ATIC: variants seen among roughly 807,000 people sequenced by gnomAD.
ATIC encodes the protein bifunctional purine biosynthesis protein ATIC.
In ATIC, 64 loss-of-function variants were observed where a neutral mutation model predicts 72.5. The observed-to-expected ratio is 0.88, with a 90% CI of 0.72 to 1.09. ATIC has a LOEUF of 1.09. ATIC is among the 50% of genes least tolerant of loss of function. The probability of loss-of-function intolerance (pLI) is 0.00; values close to 1 mark genes in which losing one functional copy is unlikely to be tolerated. For synonymous variants in ATIC, 281 were observed against 267.1 expected, an observed-to-expected ratio of 1.05 and a Z score of -0.51; for missense variants, 787 against 732.4, an observed-to-expected ratio of 1.07 and a Z score of -0.86.
At chr2:215,347,920 C>T (rs1034511356) in intron 14 of ATIC, among the ~76,000 whole-genome samples, 1 of 152,062 alleles carries the variant, frequency 6.6e-6, no homozygotes, top group Non-Finnish European at 1.5e-5. Flanking sequence ...TTTCATAGTT[C>T]TGGAGGCTGT....
chr2:215,348,761 GACC>G (rs1394189851), intron 14 of ATIC: 2 of 342,224 alleles, frequency 5.8e-6, no homozygotes, highest in Non-Finnish European at 1.1e-5. Context: ...AAGAGATTGA[GACC>G]CTCCTGGCCA....
the ATIC span, among the ~76,000 whole-genome samples, chr2:215,355,957 C>T: frequency 3.3e-5 from 5 of 152,346 alleles, no homozygotes; most frequent in Middle Eastern, 3.4e-3. Flanking sequence ...TGGATTCACT[C>T]CTCCAAAAGG....
intron 14 of ATIC, chr2:215,348,729 G>T: frequency 2.6e-6 from 1 of 384,646 alleles, no homozygotes; most frequent in Non-Finnish European, 5.0e-6. Context: ...TTGGGAGGCC[G>T]AGGTGAGTGG....
Position 215,325,321 on chromosome 2 carries a change from T to C in ATIC, c.371T>C (p.Ile124Thr), listed in dbSNP as rs749096659. ...ACTGTTGAGGAGGCTGTGGAGCAAA[T>C]TGACATTGGTAAGTCAGAAAAACCA... Reference protein sequence around the residue: ...GVTVEEAVEQIDIGGVTLLRA... With the variant: ...GVTVEEAVEQTDIGGVTLLRA... The change falls in exon 5 of 16, where the codon ATT becomes ACT. Residue 124 changes from isoleucine (I) to threonine (T), a missense_variant. By Grantham distance (89) the Ile-to-Thr change is moderately conservative (BLOSUM62 -1). Coordinates refer to ENST00000236959, the MANE Select transcript of ATIC (RefSeq NM_004044.7). 3.1e-6 allele frequency: 5 copies of C among 1,612,664 alleles called. No homozygotes were observed. The highest frequency in any genetic ancestry group is 2.2e-5 in the East Asian group (1 of 44,884).
chr2:215,326,064 G>GT lies in ATIC; in HGVS notation c.458dup (p.Val154GlyfsTer11). On this transcript the variant is annotated frameshift_variant, in exon 6 of 16. Transcript: ENST00000236959. LOFTEE classifies it high-confidence loss of function. ...GGTGTGTGAACCAGAGGACTATGTG[G>GT]TGGTGTCCACGGAGATGCAGAGCTC... 1 of 1,614,156 alleles carries GT rather than the reference G, an allele frequency of 6.2e-7. No homozygotes were observed. Among genetic ancestry groups the GT allele is most frequent in the South Asian group, 1.1e-5 (1 of 91,084 alleles).
At chr2:215,341,872 T>G (rs557335798) in intron 12 of ATIC, among the ~76,000 whole-genome samples, 1 of 152,210 alleles carries the variant, frequency 6.6e-6, no homozygotes, top group African/African-American at 2.4e-5. Flanking sequence ...CTGGGCAATT[T>G]ATAAAGAAAA....
intron 2 of ATIC, among the ~76,000 whole-genome samples, chr2:215,316,747 CTTTATTTATTTTTATGTA>C (rs1313061077): frequency 6.6e-6 from 1 of 152,018 alleles, no homozygotes; most frequent in Non-Finnish European, 1.5e-5. Context: ...TTGCTTCCTG[CTTTATTTATTTTTATGTA>C]TTTATTTATT....
At chr2:215,313,410 A>G (rs1433906990) in intron 2 of ATIC, among the ~76,000 whole-genome samples, 1 of 152,314 alleles carries the variant, frequency 6.6e-6, no homozygotes, top group Admixed American at 6.5e-5. Flanking sequence ...CCATGGAAAG[A>G]AGGGACTTAG....
rs560028444 is a variant in ATIC, at chr2:215,339,942, A to AT, written c.1227+1043dup. 2.6e-5 allele frequency among the ~76,000 whole-genome samples: 4 copies of AT among 151,150 alleles called. No individual in the cohort carries two copies. The South Asian group carries it at 8.4e-4, about 32-fold the overall frequency. On this transcript the variant is annotated intron_variant, in intron 12 of 15. Transcript: ENST00000236959. ...TGAGCCACCATGCCCAGCCTTTATT[A>AT]TTTTTTTTAAGAGACTTTTGAATGT...
At chr2:215,352,732 T>G (rs1006219793), downstream of ATIC, among the ~76,000 whole-genome samples, 2 of 150,280 alleles carry the variant, frequency 1.3e-5, no homozygotes, top group Middle Eastern at 3.4e-3. Flanking sequence ...AATTTTTTTT[T>G]TCTTTCAGTT....
At chr2:215,342,556 G>A (rs1055804517) in intron 12 of ATIC, among the ~76,000 whole-genome samples, 3 of 152,084 alleles carry the variant, frequency 2.0e-5, no homozygotes, top group Admixed American at 1.3e-4. Context: ...TTCTGTAGCC[G>A]GGCTCACTTG....
the ATIC span, chr2:215,367,596 T>G: frequency 2.1e-6 from 1 of 465,196 alleles, no homozygotes; most frequent in African/African-American, 2.0e-5. Context: ...CACAGAAAAT[T>G]TCAAAAATCA....
At chr2:215,342,928 C>T (rs2106036517) in intron 12 of ATIC, among the ~76,000 whole-genome samples, 1 of 152,338 alleles carries the variant, frequency 6.6e-6, no homozygotes, top group East Asian at 1.9e-4. Context: ...ATCTACCCGC[C>T]TGGGATTACA....
chr2:215,333,243 G>A (rs2052915225), intron 8 of ATIC, 107 bp from the exon 9 acceptor site: 14 of 898,034 alleles, frequency 1.6e-5, no homozygotes, highest in Non-Finnish European at 2.2e-5. Flanking sequence ...ACAGGCACTA[G>A]AAAATGTGCT....
chr2:215,333,232 C>A, intron 8 of ATIC, 118 bp from the exon 9 acceptor site: 1 of 808,454 alleles, frequency 1.2e-6, no homozygotes, highest in Non-Finnish European at 2.1e-6. Flanking sequence ...TTTAATTTAG[C>A]ACAGGCACTA....
Position 215,339,615 on chromosome 2 carries a change from C to T in ATIC, c.1227+708C>T, listed in dbSNP as rs1575123085. 2.0e-5 allele frequency among the ~76,000 whole-genome samples: 3 copies of T among 152,102 alleles called. No homozygotes were observed. The South Asian group carries it at 6.2e-4, about 32-fold the overall frequency. ...GGATATTTATTGTTCTTATTTTTAC[C>T]CTGATTGATTGATTTATTTTTTTAT... is the stretch of plus-strand genomic sequence containing the variant. On this transcript the variant is annotated intron_variant, in intron 12 of 15. Coordinates refer to ENST00000236959, the MANE Select transcript of ATIC (RefSeq NM_004044.7).
At chr2:215,324,628 C>T (rs957066434) in intron 4 of ATIC, among the ~76,000 whole-genome samples, 11 of 152,032 alleles carry the variant, frequency 7.2e-5, no homozygotes, top group Admixed American at 7.2e-4. Context: ...GGAGCCTGCC[C>T]GTAGAGCTCC....
chr2:215,335,921 G>T (rs1405386803), intron 10 of ATIC, 114 bp from the exon 11 acceptor site: 3 of 803,068 alleles, frequency 3.7e-6, no homozygotes, highest in Non-Finnish European at 6.2e-6. Flanking sequence ...TTTGTTGGAG[G>T]CAGAAACCAG....
chr2:215,363,741 G>A, the ATIC span: 2 of 148,912 alleles, frequency 1.3e-5, no homozygotes, highest in South Asian at 4.6e-4. Context: ...GAAAACAAAG[G>A]GCTGTCACAT....
Sources: allele counts gnomAD v4.1 joint callset (sites outside exome capture counted in the v4.1 genomes callset), GRCh38; gene constraint gnomAD v4.1.1; transcripts MANE v1.5; gene names NCBI Gene and HGNC (gene_info 2026-07-23, HGNC 2026-07-21).